Variants in PIK3CB observed in about 807,000 individuals in gnomAD.
PIK3CB encodes the protein phosphatidylinositol 4,5-bisphosphate 3-kinase catalytic subunit beta isoform.
A neutral mutation model predicts 136.8 loss-of-function variants in PIK3CB; 39 were observed. The observed-to-expected ratio is 0.29, with a 90% CI of 0.22 to 0.37. The LOEUF (loss-of-function observed/expected upper bound fraction) is 0.37, where lower values mean the gene tolerates loss of function less well. Ranked by LOEUF, PIK3CB falls within the 10% of genes least tolerant of loss-of-function variation. PIK3CB has a pLI of 1.00. For synonymous variants in PIK3CB, 428 were observed against 436.6 expected (o/e 0.98, Z 0.25); for missense variants, 868 against 1,275.4 (o/e 0.68, Z 4.87).
chr3:138,831,261 T>TAAATAAAATAAAATA (rs34817349), intron 1 of PIK3CB, among the ~76,000 whole-genome samples: 12,597 of 145,348 alleles, frequency 0.087, 721 homozygotes, highest in South Asian at 0.12. Flanking sequence ...CCGTCTCAAA[T>TAAATAAAATAAAATA]AAATAAAATA....
rs146198777 is a variant in PIK3CB at position 138,711,071 on chromosome 3, G to A, written c.1399+1137C>T. On this transcript the variant is annotated intron_variant, in intron 10 of 23. Transcript: ENST00000674063. ...TGCACTCCAGCCGAGGTGACAGAGC[G>A]AGACTCCATCTCAAAAAAAAAAAAG... is the stretch of plus-strand genomic sequence containing the variant. Among the ~76,000 whole-genome samples the A allele has an allele frequency of 1.1e-3, 158 of 150,314 alleles. 1 individual carries two copies. The highest frequency in any genetic ancestry group is 6.9e-3 in the Middle Eastern group (2 of 290).
intron 1 of PIK3CB, among the ~76,000 whole-genome samples, chr3:138,830,544 C>T (rs6807661): frequency 0.035 from 5,265 of 151,942 alleles, 316 homozygotes; most frequent in African/African-American, 0.12. Context: ...CAGAGCACGA[C>T]TCCGTCTCAA....
intron 19 of PIK3CB, among the ~76,000 whole-genome samples, chr3:138,672,974 G>GA (rs959265322): frequency 6.8e-6 from 1 of 146,038 alleles, no homozygotes; most frequent in Non-Finnish European, 1.5e-5. Flanking sequence ...AGTCTAAGCA[G>GA]AAAAAAAATA....
At chr3:138,703,616 A>ATAGATATAGATACATAGATG (rs2044302670) in intron 12 of PIK3CB, among the ~76,000 whole-genome samples, 2 of 151,908 alleles carry the variant, frequency 1.3e-5, no homozygotes, top group South Asian at 4.1e-4. Context: ...AAATGTAGAT[A>ATAGATATAGATACATAGATG]TAGATATAGA....
chr3:138,816,772 G>A (rs1238857118), intron 1 of PIK3CB, among the ~76,000 whole-genome samples: 1 of 152,082 alleles, frequency 6.6e-6, no homozygotes, highest in Non-Finnish European at 1.5e-5. Context: ...CCTCATTTGG[G>A]TGAGCAGATG....
At chr3:138,759,098 T>G in intron 3 of PIK3CB, 75 bp downstream of exon 3, 1 of 909,028 alleles carries the variant, frequency 1.1e-6, no homozygotes, top group East Asian at 2.5e-5. Flanking sequence ...ACATTAACAT[T>G]TTCTATTATA....
At chr3:138,812,353 CA>C (rs1382831954) in intron 1 of PIK3CB, among the ~76,000 whole-genome samples, 2 of 151,860 alleles carry the variant, frequency 1.3e-5, no homozygotes, top group African/African-American at 4.8e-5. Flanking sequence ...TCTCCTGCCT[CA>C]GCCTCCCAAG....
intron 1 of PIK3CB, among the ~76,000 whole-genome samples, chr3:138,822,626 G>C (rs1933605707): frequency 1.3e-5 from 2 of 148,810 alleles, no homozygotes; most frequent in African/African-American, 5.0e-5. Flanking sequence ...TGGATCACCT[G>C]AGGTCAGGAG....
chr3:138,720,404 C>G (rs2044701934), intron 8 of PIK3CB, among the ~76,000 whole-genome samples: 1 of 152,190 alleles, frequency 6.6e-6, no homozygotes, highest in African/African-American at 2.4e-5. Flanking sequence ...CCCCACTTCT[C>G]TAATAGTTTT....
At chr3:138,718,152 G>A (rs1210292906) in intron 8 of PIK3CB, among the ~76,000 whole-genome samples, 1 of 152,098 alleles carries the variant, frequency 6.6e-6, no homozygotes, top group East Asian at 1.9e-4. Context: ...ACTCCCACCA[G>A]CAGTGTGTAT....
At chr3:138,830,510 G>A (rs1030751306) in intron 1 of PIK3CB, among the ~76,000 whole-genome samples, 23 of 148,876 alleles carry the variant, frequency 1.5e-4, no homozygotes, top group Non-Finnish European at 2.5e-4. Context: ...CCAAGATGGC[G>A]CCACCGCACT....
chr3:138,780,077 C>A (rs923802361), intron 2 of PIK3CB, among the ~76,000 whole-genome samples: 1 of 151,890 alleles, frequency 6.6e-6, no homozygotes, highest in African/African-American at 2.4e-5. Flanking sequence ...CCTGCCTCAG[C>A]CTTCCAAGTA....
chr3:138,653,871 C>G lies in PIK3CB; in HGVS notation c.*1518G>C. On this transcript the variant is annotated 3_prime_UTR_variant, in exon 24 of 24. Coordinates refer to ENST00000674063, the MANE Select transcript of PIK3CB (RefSeq NM_006219.3). ...GCCTCCTATACCATGCCTGATGAGG[C>G]TGGGAAACAAGGGGAGAAGTCAGGG... 1 of 198,090 alleles carries G rather than the reference C, an allele frequency of 5.0e-6. No individual in the cohort carries two copies. The highest frequency in any genetic ancestry group is 1.0e-5 in the Non-Finnish European group (1 of 95,706). 12.3% of individuals were successfully genotyped at this position (198,090 alleles called of 1,614,324 possible).
At chr3:138,657,454 G>GTA (rs2043211437) in intron 22 of PIK3CB, 2 of 428,458 alleles carry the variant, frequency 4.7e-6, no homozygotes, top group African/African-American at 4.2e-5. Flanking sequence ...GTAAAAGGTA[G>GTA]TATATTATTG....
At chr3:138,798,875 C>T (rs189948113) in intron 1 of PIK3CB, among the ~76,000 whole-genome samples, 31 of 152,070 alleles carry the variant, frequency 2.0e-4, no homozygotes, top group Admixed American at 1.4e-3. Flanking sequence ...TTGCTTCTCT[C>T]GGGGTCCGGG....
intron 2 of PIK3CB, among the ~76,000 whole-genome samples, chr3:138,795,657 A>C (rs1261686956): frequency 6.6e-6 from 1 of 152,150 alleles, no homozygotes; most frequent in African/African-American, 2.4e-5. Context: ...ATAATTGGGC[A>C]TTAATTGATC....
At chr3:138,679,746 C>CAAA (rs1386562694) in intron 19 of PIK3CB, among the ~76,000 whole-genome samples, 1 of 114,192 alleles carries the variant, frequency 8.8e-6, no homozygotes, top group East Asian at 4.8e-4. Context: ...ACATGCCTGG[C>CAAA]TAATTATTAT....
chr3:138,742,229 ACTT>A (rs1215270871), intron 5 of PIK3CB, among the ~76,000 whole-genome samples: 4 of 152,166 alleles, frequency 2.6e-5, no homozygotes, highest in Admixed American at 6.5e-5. Context: ...TATTCTTTTT[ACTT>A]CTTCTTCTTT....
intron 1 of PIK3CB, among the ~76,000 whole-genome samples, chr3:138,828,474 A>T (rs898149901): frequency 6.6e-5 from 10 of 151,950 alleles, no homozygotes; most frequent in Middle Eastern, 3.4e-3. Flanking sequence ...CGTAAACCAC[A>T]GCGCCCAGCC....
Sources: allele counts gnomAD v4.1 joint callset (sites outside exome capture counted in the v4.1 genomes callset), GRCh38; gene constraint gnomAD v4.1.1; transcripts MANE v1.5; gene names NCBI Gene and HGNC (gene_info 2026-07-23, HGNC 2026-07-21).